The following NDUFB5 variants were observed in gnomAD, a reference collection of about 807,000 sequenced individuals.
NDUFB5 encodes NADH:ubiquinone oxidoreductase subunit B5.
NDUFB5 carries 19 observed loss-of-function variants against 19.4 expected under a neutral mutation model. The ratio of observed to expected loss-of-function variants is 0.98; its 90% confidence interval spans 0.68 to 1.43. The LOEUF (loss-of-function observed/expected upper bound fraction) is 1.43. NDUFB5 is among the 40% of genes most tolerant of loss of function. The probability of loss-of-function intolerance (pLI) is 0.00; values close to 1 mark genes in which losing one functional copy is unlikely to be tolerated. For synonymous variants in NDUFB5, 80 were observed against 82.6 expected, an observed-to-expected ratio of 0.97 and a Z score of 0.17; for missense variants, 233 against 236.5, an observed-to-expected ratio of 0.99 and a Z score of 0.10.
intron 1 of NDUFB5, among the ~76,000 whole-genome samples, chr3:179,606,258 A>C (rs1008989854): frequency 1.3e-5 from 2 of 152,246 alleles, no homozygotes; most frequent in African/African-American, 4.8e-5. Flanking sequence ...CAGATGAGGA[A>C]ACTGACTCAA....
chr3:179,615,022 C>T lies in NDUFB5; in HGVS notation c.176C>T (p.Pro59Leu). The change falls in exon 2 of 6, where the codon CCT (proline) becomes CTT (leucine). Residue 59 changes from proline to leucine, a missense_variant. Transcript: ENST00000259037. ...DHGKRLFVIR[P>L]SRFYDRRFLK... ...GGGAAAAGACTATTTGTCATCAGAC[C>T]TTCTAGATTCTATGACAGGCGTTTT... The T allele has an allele frequency of 6.2e-7, 1 of 1,608,372 alleles. No homozygotes were observed.
At chr3:179,607,739 C>G (rs1560023169) in intron 1 of NDUFB5, 1 of 702,638 alleles carries the variant, frequency 1.4e-6, no homozygotes, top group Non-Finnish European at 2.6e-6. Context: ...CAATAACTCT[C>G]CATTCCCCTT....
intron 5 of NDUFB5, among the ~76,000 whole-genome samples, chr3:179,620,574 G>A (rs1443303772): frequency 6.6e-6 from 1 of 152,158 alleles, no homozygotes; most frequent in Non-Finnish European, 1.5e-5. Flanking sequence ...TTTGGTACCA[G>A]TACCATGCTG....
intron 2 of NDUFB5, 141 bp downstream of exon 2, chr3:179,615,200 G>A (rs1174365637): frequency 4.3e-6 from 2 of 459,886 alleles, no homozygotes; most frequent in Non-Finnish European, 7.8e-6. Context: ...TACTGAGACT[G>A]TAAAGTCTGA....
At position 179,625,711 on chromosome 3, in the gene NDUFB5, C is replaced by G. The variant is rs1184916085; in HGVS notation, c.*1671C>G. On this transcript the variant is annotated 3_prime_UTR_variant, in exon 6 of 6. Coordinates refer to ENST00000259037, the MANE Select transcript of NDUFB5 (RefSeq NM_002492.4). ...TTTCTGAATTTCCTACTCTCCCCTT[C>G]CCTTCCCAGCCTTGTAACCACCTTT... is the stretch of plus-strand genomic sequence containing the variant. The G allele has an allele frequency of 6.6e-6, 1 of 152,164 alleles. No homozygotes were observed. The highest frequency in any genetic ancestry group is 1.5e-5 in the Non-Finnish European group (1 of 68,026). The allele number at this position is 152,164 out of a possible 1,614,324, so 9.4% of individuals were successfully genotyped here.
chr3:179,619,656 CAT>C (rs1719476748), intron 5 of NDUFB5, among the ~76,000 whole-genome samples: 2 of 152,186 alleles, frequency 1.3e-5, no homozygotes, highest in South Asian at 4.1e-4. Context: ...CCACAGTAAA[CAT>C]ATGTGTGCAT....
At chr3:179,610,268 G>GT (rs1190765641) in intron 1 of NDUFB5, among the ~76,000 whole-genome samples, 1 of 151,906 alleles carries the variant, frequency 6.6e-6, no homozygotes. Flanking sequence ...AATTTTTTAA[G>GT]TTTTTTGTAG....
chr3:179,626,229 A>G lies in NDUFB5; in HGVS notation c.*2189A>G, dbSNP rs1227376541. ...ATGGCCATTCATATGTCTTCCTTTG[A>G]GAAATGTCTATACAGATCTCTGGCC... On this transcript the variant is annotated 3_prime_UTR_variant, in exon 6 of 6. Coordinates refer to ENST00000259037, the MANE Select transcript of NDUFB5 (RefSeq NM_002492.4). 1 of 151,792 alleles carries G rather than the reference A, an allele frequency of 6.6e-6. No individual in the cohort carries two copies. Among genetic ancestry groups the G allele is most frequent in the Non-Finnish European group, 1.5e-5 (1 of 67,992 alleles). 9.4% of individuals were successfully genotyped at this position (151,792 alleles called of 1,614,324 possible). A position where few individuals can be genotyped will look rare whatever the true frequency, so the allele number is the denominator to read the frequency against.
At position 179,604,903 on chromosome 3, in the gene NDUFB5, G is replaced by T. The variant is rs1719037292; in HGVS notation, c.88G>T (p.Gly30Trp). 2.5e-6 allele frequency: 4 copies of T among 1,592,162 alleles called. No homozygotes were observed. Among genetic ancestry groups the T allele is most frequent in the Non-Finnish European group, 3.4e-6 (4 of 1,173,664 alleles). Residue 30 changes from glycine to tryptophan, a missense_variant, in exon 1 of 6, where the codon GGG (glycine) becomes TGG (tryptophan). Physicochemically the swap from Gly to Trp is radical, Grantham distance 184 (BLOSUM62 -2). Transcript: ENST00000259037. ...GCCCCTTGGCACTCGCCTCGGATTT[G>T]GGGGCTTCCTCACTCGTGGCTTTCC... ...GRPLGTRLGF[G>W]GFLTRGFPKA...
chr3:179,610,571 C>T (rs1349715681), intron 1 of NDUFB5, among the ~76,000 whole-genome samples: 1 of 152,088 alleles, frequency 6.6e-6, no homozygotes, highest in Non-Finnish European at 1.5e-5. Flanking sequence ...TCATGAAGTC[C>T]AGTTTGTCTA....
In NDUFB5 at chr3:179,624,095, A is replaced by G; in HGVS notation, c.*55A>G. 1 of 1,473,236 alleles carries G rather than the reference A, an allele frequency of 6.8e-7. No individual in the cohort carries two copies. The highest frequency in any genetic ancestry group is 9.2e-7 in the Non-Finnish European group (1 of 1,084,508). 91.3% of individuals were successfully genotyped at this position (1,473,236 alleles called of 1,614,324 possible). The stretch of plus-strand genomic sequence containing the variant: ...TCTCTTTATTGGAAAATAAATTAAT[A>G]AATATATTCTGTATTTTTGCTCTCC... On this transcript the variant is annotated 3_prime_UTR_variant, in exon 6 of 6. Coordinates refer to ENST00000259037, the MANE Select transcript of NDUFB5 (RefSeq NM_002492.4).
At chr3:179,621,790 T>G (rs1719545361) in intron 5 of NDUFB5, among the ~76,000 whole-genome samples, 2 of 152,114 alleles carry the variant, frequency 1.3e-5, no homozygotes, top group African/African-American at 4.8e-5. Context: ...CGCTAATAAA[T>G]TTTTGAGTAC....
chr3:179,617,231 G>A (rs1191817567), intron 4 of NDUFB5, 187 bp downstream of exon 4: 15 of 413,592 alleles, frequency 3.6e-5, no homozygotes, highest in South Asian at 3.0e-4. Flanking sequence ...TCTGCCTCCC[G>A]CATTCAAGCG....
intron 2 of NDUFB5, 55 bp downstream of exon 2, chr3:179,615,114 T>A: frequency 9.1e-7 from 1 of 1,093,260 alleles, no homozygotes; most frequent in Non-Finnish European, 1.3e-6. Context: ...GGGAAAAAAT[T>A]TTTGCCTCTT....
At chr3:179,610,416 TTTGTTG>T (rs796104802) in intron 1 of NDUFB5, among the ~76,000 whole-genome samples, 3 of 152,060 alleles carry the variant, frequency 2.0e-5, no homozygotes, top group Admixed American at 6.6e-5. Flanking sequence ...GATTGTTTGG[TTTGTTG>T]TTGTTGTTGT....
At chr3:179,610,846 T>C (rs1318766553) in intron 1 of NDUFB5, among the ~76,000 whole-genome samples, 1 of 152,200 alleles carries the variant, frequency 6.6e-6, no homozygotes, top group Non-Finnish European at 1.5e-5. Context: ...TATGCATAAA[T>C]TATGGTTTTT....
chr3:179,622,324 T>A (rs1256324317), intron 5 of NDUFB5, among the ~76,000 whole-genome samples: 3 of 152,020 alleles, frequency 2.0e-5, no homozygotes, highest in African/African-American at 7.2e-5. Flanking sequence ...TTTGTTTTTT[T>A]TTTATTTGAC....
Position 179,614,986 on chromosome 3 carries a change from G to T in NDUFB5, c.140G>T (p.Ser47Ile), listed in dbSNP as rs1719337607. 5 of 1,609,156 alleles carry T rather than the reference G, an allele frequency of 3.1e-6. No individual in the cohort carries two copies. Among genetic ancestry groups the T allele is most frequent in the Non-Finnish European group, 3.4e-6 (4 of 1,176,708 alleles). Residue 47 changes from serine to isoleucine, a missense_variant, in exon 2 of 6, where the codon AGT (serine) becomes ATT (isoleucine). Transcript: ENST00000259037. ...FPKAAAPVRH[S>I]GDHGKRLFVI... Reference sequence around the variant, plus strand: ...ATATTCCCAGCTCCTGTTCGACACAGTGGAGACCATGGGAAAAGACTATTT... The same window carrying T: ...ATATTCCCAGCTCCTGTTCGACACATTGGAGACCATGGGAAAAGACTATTT...
chr3:179,609,683 T>C lies in NDUFB5; in HGVS notation c.124+4744T>C, dbSNP rs148271612. Among the ~76,000 whole-genome samples, 183 of 152,338 alleles carry C rather than the reference T, an allele frequency of 1.2e-3. 4 individuals are homozygous for C. The East Asian group carries it at 0.025, about 21-fold the overall frequency. On this transcript the variant is annotated intron_variant, in intron 1 of 5. Coordinates refer to ENST00000259037, the MANE Select transcript of NDUFB5 (RefSeq NM_002492.4). ...TGAGGAACCCTCATGCTATTTTCCA[T>C]AGCAACAATACCATTTTACATTCCT... is the stretch of plus-strand genomic sequence containing the variant.
Sources: allele counts gnomAD v4.1 joint callset (sites outside exome capture counted in the v4.1 genomes callset), GRCh38; gene constraint gnomAD v4.1.1; transcripts MANE v1.5; gene names NCBI Gene and HGNC (gene_info 2026-07-23, HGNC 2026-07-21).